KCND2: variants seen among roughly 807,000 people sequenced by gnomAD.
KCND2 encodes A-type voltage-gated potassium channel KCND2.
A neutral mutation model predicts 54.4 loss-of-function variants in KCND2; 16 were observed. The observed-to-expected ratio is 0.29, with a 90% CI of 0.20 to 0.45. The LOEUF is 0.45. KCND2 is among the 20% of genes least tolerant of loss of function. The pLI, the probability that KCND2 is intolerant of heterozygous loss-of-function variation, is 1.00. For missense variants in KCND2, 486 were observed against 824.2 expected, an observed-to-expected ratio of 0.59 and a Z score of 5.02; for synonymous variants, 317 against 310.7, an observed-to-expected ratio of 1.02 and a Z score of -0.21.
intron 1 of KCND2, among the ~76,000 whole-genome samples, chr7:120,305,236 G>T (rs955209873): frequency 5.3e-5 from 8 of 152,070 alleles, no homozygotes; most frequent in African/African-American, 1.7e-4. Context: ...AAATTATGAG[G>T]CTGTAGGTTC....
intron 1 of KCND2, among the ~76,000 whole-genome samples, chr7:120,479,864 G>A (rs2116277696): frequency 6.7e-6 from 1 of 149,378 alleles, no homozygotes; most frequent in Admixed American, 6.7e-5. Flanking sequence ...AGCTATCGGT[G>A]GCTGAAGCAC....
At chr7:120,350,964 A>C (rs1305478625) in intron 1 of KCND2, among the ~76,000 whole-genome samples, 1 of 152,082 alleles carries the variant, frequency 6.6e-6, no homozygotes, top group Non-Finnish European at 1.5e-5. Context: ...AATGTTTGTT[A>C]TAAAAAGTTT....
At chr7:120,310,734 T>A (rs535524627) in intron 1 of KCND2, among the ~76,000 whole-genome samples, 1 of 152,044 alleles carries the variant, frequency 6.6e-6, no homozygotes, top group Non-Finnish European at 1.5e-5. Context: ...GCCAGGAGTT[T>A]GAGACCAGCC....
At chr7:120,738,659 A>G (rs1421640645) in intron 2 of KCND2, among the ~76,000 whole-genome samples, 3 of 152,078 alleles carry the variant, frequency 2.0e-5, no homozygotes, top group Admixed American at 2.0e-4. Flanking sequence ...TTGCCATGCC[A>G]GAAGTTGTAT....
intron 1 of KCND2, among the ~76,000 whole-genome samples, chr7:120,567,481 G>T (rs566913525): frequency 6.6e-6 from 1 of 152,186 alleles, no homozygotes; most frequent in Admixed American, 6.5e-5. Context: ...TCAACATTTT[G>T]AAACTTGAGC....
intron 1 of KCND2, among the ~76,000 whole-genome samples, chr7:120,303,811 C>T (rs1799616200): frequency 6.6e-6 from 1 of 152,100 alleles, no homozygotes; most frequent in South Asian, 2.1e-4. Flanking sequence ...ATAATGACAG[C>T]ACAAGTGAAT....
Position 120,400,969 on chromosome 7 carries a change from AAAG to A in KCND2, c.1115+125233_1115+125235del, listed in dbSNP as rs532733733. Among the ~76,000 whole-genome samples, 478 of 152,166 alleles carry A rather than the reference AAAG, an allele frequency of 3.1e-3. 2 individuals carry two copies. Among genetic ancestry groups the A allele is most frequent in the Non-Finnish European group, 4.9e-3 (336 of 68,000 alleles). ...CACTGCATGTACTATTAAAAAAAAA[AAAG>A]AAGAAGAAGACCTAAAGTGACCATG... On this transcript the variant is annotated intron_variant, in intron 1 of 5. Transcript: ENST00000331113.
intron 1 of KCND2, among the ~76,000 whole-genome samples, chr7:120,731,875 A>T (rs1792811372): frequency 6.6e-6 from 1 of 152,204 alleles, no homozygotes; most frequent in Non-Finnish European, 1.5e-5. Flanking sequence ...GAACAACTGC[A>T]TGGTGGTGAT....
At chr7:120,563,388 C>T (rs567765938) in intron 1 of KCND2, among the ~76,000 whole-genome samples, 4 of 152,172 alleles carry the variant, frequency 2.6e-5, no homozygotes, top group East Asian at 1.9e-4. Flanking sequence ...CCCCATTGCC[C>T]GCATAAATCA....
chr7:120,282,332 T>A lies in KCND2; in HGVS notation c.1115+6585T>A, dbSNP rs184036185. On this transcript the variant is annotated intron_variant, in intron 1 of 5. Transcript: ENST00000331113. ...CATTTATGCATAAAATAGAATTTTT[T>A]AAAATAGGGAAATATTGTCTGTAAA... Among the ~76,000 whole-genome samples, 19 of 152,278 alleles carry A rather than the reference T, an allele frequency of 1.2e-4. No homozygotes were observed. In the East Asian group the frequency reaches 3.1e-3, roughly 25 times the overall value.
chr7:120,600,967 T>G (rs1026254071), intron 1 of KCND2, among the ~76,000 whole-genome samples: 1 of 152,104 alleles, frequency 6.6e-6, no homozygotes, highest in Non-Finnish European at 1.5e-5. Context: ...TGCAACACTA[T>G]TTAAGTTTTT....
chr7:120,629,410 C>T (rs1490672104), intron 1 of KCND2, among the ~76,000 whole-genome samples: 1 of 151,910 alleles, frequency 6.6e-6, no homozygotes, highest in Non-Finnish European at 1.5e-5. Context: ...GGCGTGAACC[C>T]GGGAGGCGGA....
At position 120,613,182 on chromosome 7, in the gene KCND2, G is replaced by A. The variant is rs115123146; in HGVS notation, c.1116-119721G>A. Among the ~76,000 whole-genome samples the A allele has an allele frequency of 6.2e-3, 936 of 151,776 alleles. 9 individuals carry two copies. The highest frequency in any genetic ancestry group is 0.021 in the African/African-American group (867 of 41,362). On this transcript the variant is annotated intron_variant, in intron 1 of 5. Coordinates refer to ENST00000331113, the MANE Select transcript of KCND2 (RefSeq NM_012281.3). ...AACAGCATACTATAGAAACTCAAAAGATCGGTTTTCGTAACTCTCTGCTTG... is the reference window on the plus strand; with the variant it reads ...AACAGCATACTATAGAAACTCAAAAAATCGGTTTTCGTAACTCTCTGCTTG...
rs1792998322 is a variant in KCND2, at chr7:120,745,800, A to C, written c.1488A>C (p.Glu496Asp). ...AACAGAATCACGAGTTTGTGGACGAACAAGTCTTTGAAGAAAGCTGCATGG... is the reference window on the plus strand; with the variant it reads ...AACAGAATCACGAGTTTGTGGACGACCAAGTCTTTGAAGAAAGCTGCATGG... The part of the protein sequence containing the change: ...EKTTNHEFVD[E>D]QVFEESCMEV... The change falls in exon 5 of 6, where the codon GAA becomes GAC. Residue 496 changes from glutamate (E) to aspartate (D), a missense_variant. Transcript: ENST00000331113. 1 of 1,613,668 alleles carries C rather than the reference A, an allele frequency of 6.2e-7. No individual in the cohort carries two copies. Among genetic ancestry groups the C allele is most frequent in the African/African-American group, 1.3e-5 (1 of 74,904 alleles).
chr7:120,576,501 A>G (rs1355479294), intron 1 of KCND2, among the ~76,000 whole-genome samples: 1 of 146,010 alleles, frequency 6.8e-6, no homozygotes, highest in Non-Finnish European at 1.5e-5. Flanking sequence ...AATTATTTCC[A>G]TGAGCTCACA....
intron 1 of KCND2, among the ~76,000 whole-genome samples, chr7:120,420,938 G>A (rs978788732): frequency 5.3e-5 from 8 of 152,130 alleles, no homozygotes; most frequent in Non-Finnish European, 1.2e-4. Context: ...AAATTGAACT[G>A]TGGAGTGATA....
intron 1 of KCND2, among the ~76,000 whole-genome samples, chr7:120,426,917 G>T (rs1428601669): frequency 6.6e-6 from 1 of 152,130 alleles, no homozygotes; most frequent in Non-Finnish European, 1.5e-5. Flanking sequence ...ACCGCGCCCG[G>T]CCCAACGTAC....
intron 1 of KCND2, among the ~76,000 whole-genome samples, chr7:120,441,932 C>T (rs562759543): frequency 3.9e-4 from 59 of 152,230 alleles, no homozygotes; most frequent in Non-Finnish European, 6.3e-4. Flanking sequence ...TTTCTCTGGT[C>T]TCCACCCATT....
chr7:120,683,370 C>G (rs920334051), intron 1 of KCND2, among the ~76,000 whole-genome samples: 1 of 151,924 alleles, frequency 6.6e-6, no homozygotes, highest in Admixed American at 6.6e-5. Flanking sequence ...TCCTAGAGAC[C>G]CTGTTGTGTA....
Sources: allele counts gnomAD v4.1 joint callset (sites outside exome capture counted in the v4.1 genomes callset), GRCh38; gene constraint gnomAD v4.1.1; transcripts MANE v1.5; gene names NCBI Gene and HGNC (gene_info 2026-07-23, HGNC 2026-07-21).